The following JADE1 variants were observed in gnomAD, a reference collection of about 807,000 sequenced individuals.
The protein encoded by JADE1 is protein Jade-1.
Under a neutral mutation model 81.8 loss-of-function variants are expected in JADE1, and 14 were observed. The ratio of observed to expected loss-of-function variants is 0.17; its 90% confidence interval spans 0.11 to 0.27. JADE1 has a LOEUF of 0.27. JADE1 is among the 10% of genes least tolerant of loss of function. The pLI is 1.00. For missense variants in JADE1, 690 were observed against 1,047.9 expected, an observed-to-expected ratio of 0.66 and a Z score of 4.71; for synonymous variants, 353 against 391.9, an observed-to-expected ratio of 0.90 and a Z score of 1.17.
intron 1 of JADE1, among the ~76,000 whole-genome samples, chr4:128,823,675 T>A (rs572680465): frequency 6.6e-6 from 1 of 152,332 alleles, no homozygotes; most frequent in East Asian, 1.9e-4. Flanking sequence ...TTAGACAAGA[T>A]TAAAACATTA....
At chr4:128,812,770 A>G (rs550733072) in intron 1 of JADE1, among the ~76,000 whole-genome samples, 1 of 152,366 alleles carries the variant, frequency 6.6e-6, no homozygotes, top group Non-Finnish European at 1.5e-5. Context: ...TAGTAACGAG[A>G]GGGCTGGCGC....
At chr4:128,814,317 C>T (rs1726787671) in intron 1 of JADE1, among the ~76,000 whole-genome samples, 1 of 152,116 alleles carries the variant, frequency 6.6e-6, no homozygotes. Flanking sequence ...AGCAGATTTC[C>T]ATTGCGTCTT....
At chr4:128,836,523 T>G (rs1728996044) in intron 2 of JADE1, among the ~76,000 whole-genome samples, 1 of 152,024 alleles carries the variant, frequency 6.6e-6, no homozygotes, top group African/African-American at 2.4e-5. Flanking sequence ...TCTTGCTGTC[T>G]TAGGGGTGGC....
At chr4:128,868,419 C>T (rs1731943190) in intron 10 of JADE1, among the ~76,000 whole-genome samples, 1 of 152,184 alleles carries the variant, frequency 6.6e-6, no homozygotes, top group African/African-American at 2.4e-5. Context: ...TAAGACTGTA[C>T]TTAAGACACA....
Position 128,828,499 on chromosome 4 carries a change from C to T in JADE1, c.-26-3234C>T, listed in dbSNP as rs1389584633. ...AGGAGGAAATTCTGCTGAGCACTAA[C>T]CCCCATACTGTGCCAAGTTCCCTGG... On this transcript the variant is annotated intron_variant, in intron 1 of 10. Coordinates refer to ENST00000226319, the MANE Select transcript of JADE1 (RefSeq NM_199320.4). Among the ~76,000 whole-genome samples the T allele has an allele frequency of 2.0e-5, 3 of 152,190 alleles. No individual in the cohort carries two copies. In the East Asian group the frequency reaches 5.8e-4, roughly 29 times the overall value.
intron 1 of JADE1, among the ~76,000 whole-genome samples, chr4:128,830,548 A>G (rs1728464922): frequency 6.6e-6 from 1 of 152,082 alleles, no homozygotes; most frequent in South Asian, 2.1e-4. Context: ...TTGCATTGTT[A>G]ACACCACATC....
At chr4:128,848,882 C>A (rs188223846) in intron 4 of JADE1, 98 bp from the exon 5 acceptor site, 1 of 1,182,686 alleles carries the variant, frequency 8.5e-7, no homozygotes, top group Non-Finnish European at 1.2e-6. Flanking sequence ...ACCTGGGGCT[C>A]TAAGGGTTGG....
intron 1 of JADE1, among the ~76,000 whole-genome samples, chr4:128,815,171 C>CCTCCCTGTAAGCTCCGT (rs1233123250): frequency 6.0e-5 from 9 of 149,310 alleles, no homozygotes; most frequent in Non-Finnish European, 1.5e-5. Flanking sequence ...GTAAGCTCCG[C>CCTCCCTGTAAGCTCCGT]CTCCCTGTAA....
intron 9 of JADE1, chr4:128,863,380 A>G: frequency 2.0e-6 from 2 of 985,534 alleles, no homozygotes; most frequent in Non-Finnish European, 2.4e-6. Flanking sequence ...AGCAGTCTGC[A>G]CTGAAAGGTA....
chr4:128,827,186 T>C (rs893965003), intron 1 of JADE1, among the ~76,000 whole-genome samples: 6 of 152,192 alleles, frequency 3.9e-5, no homozygotes, highest in African/African-American at 1.4e-4. Flanking sequence ...CATTGCAGTG[T>C]TCCCTGTACC....
At chr4:128,834,455 G>A (rs1728803161) in intron 2 of JADE1, among the ~76,000 whole-genome samples, 1 of 151,730 alleles carries the variant, frequency 6.6e-6, no homozygotes, top group Admixed American at 6.6e-5. Flanking sequence ...GAGATTGGAG[G>A]TTAGGGCTTC....
chr4:128,816,032 A>T (rs1727002330), intron 1 of JADE1, among the ~76,000 whole-genome samples: 1 of 149,060 alleles, frequency 6.7e-6, no homozygotes, highest in African/African-American at 2.5e-5. Flanking sequence ...TTTTTTAAAC[A>T]TGAAGGGTGG....
intron 1 of JADE1, among the ~76,000 whole-genome samples, chr4:128,815,120 G>C (rs1261088185): frequency 2.7e-5 from 3 of 112,496 alleles, no homozygotes; most frequent in Admixed American, 9.7e-5. Context: ...TGCGATCTCG[G>C]CTCCCTGTAA....
intron 9 of JADE1, chr4:128,862,488 G>C: frequency 7.5e-7 from 1 of 1,332,882 alleles, no homozygotes; most frequent in Non-Finnish European, 9.6e-7. Context: ...TGTTTTGTAA[G>C]ATCAAATGGG....
intron 8 of JADE1, among the ~76,000 whole-genome samples, 196 bp downstream of exon 8, chr4:128,857,650 C>T (rs957886832): frequency 4.6e-5 from 7 of 152,178 alleles, no homozygotes; most frequent in African/African-American, 1.7e-4. Context: ...GTAACTAGAA[C>T]CCAAGCTTTC....
intron 1 of JADE1, among the ~76,000 whole-genome samples, chr4:128,824,843 A>G (rs758893452): frequency 6.6e-5 from 10 of 152,220 alleles, no homozygotes; most frequent in Non-Finnish European, 1.3e-4. Context: ...GCCTTTCTGC[A>G]TATGAGCCAT....
Position 128,862,108 on chromosome 4 carries a change from C to T in JADE1, c.1386C>T (p.Phe462=), listed in dbSNP as rs1731387935. The T allele has an allele frequency of 2.5e-6, 4 of 1,614,040 alleles. No individual in the cohort carries two copies. Among genetic ancestry groups the T allele is most frequent in the Non-Finnish European group, 3.4e-6 (4 of 1,180,040 alleles). ...GGAAGTTGAAGAGGAAGGTCAACTT[C>T]AACAAGCCCCTGATCACCCCAAAGA... ...QYWKLKRKVN[F]NKPLITPKKD... The change falls in exon 9 of 11, where the codon TTC becomes TTT. Residue 462 remains phenylalanine (F), a synonymous_variant. Coordinates refer to ENST00000226319, the MANE Select transcript of JADE1 (RefSeq NM_199320.4).
chr4:128,831,822 T>C lies in JADE1; in HGVS notation c.52+12T>C. The C allele has an allele frequency of 6.2e-7, 1 of 1,612,290 alleles. No individual in the cohort carries two copies. Among genetic ancestry groups the C allele is most frequent in the Non-Finnish European group, 8.5e-7 (1 of 1,178,302 alleles). ...TGACGACAATGGCAGTAAGTCCTGC[T>C]TTGTTGTTCTTGGAGCCTACCAGGG... On this transcript the variant is annotated intron_variant, in intron 2 of 10. Coordinates refer to ENST00000226319, the MANE Select transcript of JADE1 (RefSeq NM_199320.4).
intron 1 of JADE1, among the ~76,000 whole-genome samples, chr4:128,812,560 C>T (rs1726559706): frequency 6.6e-6 from 1 of 152,116 alleles, no homozygotes; most frequent in African/African-American, 2.4e-5. Flanking sequence ...CCCGGGTCTC[C>T]CCTCGCCCCA....
Sources: allele counts gnomAD v4.1 joint callset (sites outside exome capture counted in the v4.1 genomes callset), GRCh38; gene constraint gnomAD v4.1.1; transcripts MANE v1.5; gene names NCBI Gene and HGNC (gene_info 2026-07-23, HGNC 2026-07-21).